Variants in CREBBP observed in about 807,000 individuals in gnomAD.
CREBBP encodes CREB binding lysine acetyltransferase.
In CREBBP, 19 loss-of-function variants were observed where a neutral mutation model predicts 265.0. The observed-to-expected ratio is 0.07, with a 90% CI of 0.05 to 0.11. CREBBP has a LOEUF of 0.11. Ranked by LOEUF, CREBBP falls within the 10% of genes least tolerant of loss-of-function variation. CREBBP has a pLI of 1.00. For missense variants in CREBBP, 2,525 were observed against 3,219.0 expected, an observed-to-expected ratio of 0.78 and a Z score of 5.22; for synonymous variants, 1,457 against 1,223.7, an observed-to-expected ratio of 1.19 and a Z score of -3.98.
chr16:3,783,879 G>A (rs1382855601), intron 5 of CREBBP, among the ~76,000 whole-genome samples: 1 of 152,144 alleles, frequency 6.6e-6, no homozygotes, highest in East Asian at 1.9e-4. Flanking sequence ...CTCCAAACTT[G>A]CATCAACTTG....
At chr16:3,735,562 C>CT (rs1341553667) in intron 28 of CREBBP, among the ~76,000 whole-genome samples, 7 of 152,014 alleles carry the variant, frequency 4.6e-5, no homozygotes, top group South Asian at 2.1e-4. Context: ...TCCCAAAGTG[C>CT]GGGGTTACAG....
At chr16:3,810,815 C>G in intron 2 of CREBBP, 36 bp from the exon 3 acceptor site, 2 of 1,606,964 alleles carry the variant, frequency 1.2e-6, no homozygotes, top group South Asian at 1.1e-5. Context: ...GCTGTGGTGA[C>G]GCAGTCAATA....
chr16:3,862,285 G>A lies in CREBBP; in HGVS notation c.86-11276C>T, dbSNP rs1342752081. Reference sequence around the variant, plus strand: ...AAGAGGCAGGGACAGAAGACAGCAAGACAGGCAGGCAGAGATGGCTGCTCT... The same window carrying A: ...AAGAGGCAGGGACAGAAGACAGCAAAACAGGCAGGCAGAGATGGCTGCTCT... On this transcript the variant is annotated intron_variant, in intron 1 of 30. Coordinates refer to ENST00000262367, the MANE Select transcript of CREBBP (RefSeq NM_004380.3). Among the ~76,000 whole-genome samples the A allele has an allele frequency of 2.0e-5, 3 of 152,164 alleles. No individual in the cohort carries two copies. The East Asian group carries it at 5.8e-4, about 29-fold the overall frequency.
intron 2 of CREBBP, among the ~76,000 whole-genome samples, chr16:3,843,757 A>C (rs1416405311): frequency 6.6e-6 from 1 of 152,172 alleles, no homozygotes; most frequent in Non-Finnish European, 1.5e-5. Context: ...CTAGGGAAAA[A>C]AAGGCTTCAG....
chr16:3,862,438 T>C (rs1173510146), intron 1 of CREBBP, among the ~76,000 whole-genome samples: 1 of 152,154 alleles, frequency 6.6e-6, no homozygotes. Flanking sequence ...TGGAGTGCAG[T>C]GACACAATCT....
At chr16:3,818,454 C>T (rs956252318) in intron 2 of CREBBP, among the ~76,000 whole-genome samples, 22 of 151,912 alleles carry the variant, frequency 1.4e-4, no homozygotes, top group African/African-American at 4.4e-4. Flanking sequence ...ACTACAGGCG[C>T]GTGCCACCAC....
At chr16:3,752,869 A>C (rs2052505452) in intron 19 of CREBBP, among the ~76,000 whole-genome samples, 1 of 152,234 alleles carries the variant, frequency 6.6e-6, no homozygotes, top group African/African-American at 2.4e-5. Flanking sequence ...CAAGCTATCA[A>C]ATACAAACAA....
At position 3,850,421 on chromosome 16, in the gene CREBBP, G is replaced by C. The variant is rs776306844; in HGVS notation, c.674C>G (p.Pro225Arg). 3.1e-6 allele frequency: 5 copies of C among 1,614,110 alleles called. No individual in the cohort carries two copies. The highest frequency in any genetic ancestry group is 1.6e-4 in the Middle Eastern group (1 of 6,084). The change falls in exon 2 of 31, where the codon CCG (proline) becomes CGG (arginine). Residue 225 changes from proline to arginine, a missense_variant. By Grantham distance (103) the Pro-to-Arg change is moderately radical. Coordinates refer to ENST00000262367, the MANE Select transcript of CREBBP (RefSeq NM_004380.3). The stretch of plus-strand genomic sequence containing the variant: ...GCCCTGCATGGCTGGAGTAGGGTAC[G>C]GCATTCCAGCTCCCCTTCCTCTGCC... ...AAGRGRGAGM[P>R]YPTPAMQGAS...
At chr16:3,837,666 G>C (rs1433288458) in intron 2 of CREBBP, among the ~76,000 whole-genome samples, 1 of 150,780 alleles carries the variant, frequency 6.6e-6, no homozygotes, top group African/African-American at 2.4e-5. Context: ...TTTTAAAATA[G>C]AAAAAGCTTA....
In CREBBP at chr16:3,726,912, G is replaced by A. The variant is rs767086157; in HGVS notation, c.*806C>T. The A allele has an allele frequency of 8.6e-6, 2 of 233,400 alleles. No homozygotes were observed. Among genetic ancestry groups the A allele is most frequent in the East Asian group, 6.0e-5 (1 of 16,554 alleles). 14.5% of individuals were successfully genotyped at this position (233,400 alleles called of 1,614,324 possible). A position where few individuals can be genotyped will look rare whatever the true frequency, so the allele number is the denominator to read the frequency against. On this transcript the variant is annotated 3_prime_UTR_variant, in exon 31 of 31. Transcript: ENST00000262367. Reference sequence around the variant, plus strand: ...CAGTGATTGAATCTTCTCGAGTTTCGTATTTATAGGAATTAGAGCGCTTGC... The same window carrying A: ...CAGTGATTGAATCTTCTCGAGTTTCATATTTATAGGAATTAGAGCGCTTGC...
intron 2 of CREBBP, among the ~76,000 whole-genome samples, chr16:3,817,488 TCCC>T (rs2054061521): frequency 1.0e-5 from 1 of 96,562 alleles, no homozygotes; most frequent in African/African-American, 2.9e-5. Context: ...CTCACCTAAC[TCCC>T]CCTTCTCTCA....
At chr16:3,876,000 T>C (rs1044765957) in intron 1 of CREBBP, among the ~76,000 whole-genome samples, 1 of 152,162 alleles carries the variant, frequency 6.6e-6, no homozygotes, top group Non-Finnish European at 1.5e-5. Flanking sequence ...CAGCACAGGA[T>C]GAAACACAGC....
At position 3,840,935 on chromosome 16, in the gene CREBBP, T is replaced by C. The variant is rs367847773; in HGVS notation, c.798+9362A>G. Reference sequence around the variant, plus strand: ...GTGGACATTTCAGATGCTGCTGCAGTTTCTGCATGTGTAACAGATGGGGTA... The same window carrying C: ...GTGGACATTTCAGATGCTGCTGCAGCTTCTGCATGTGTAACAGATGGGGTA... On this transcript the variant is annotated intron_variant, in intron 2 of 30. Coordinates refer to ENST00000262367, the MANE Select transcript of CREBBP (RefSeq NM_004380.3). 2.2e-4 allele frequency: 35 copies of C among 156,414 alleles called. No homozygotes were observed. The South Asian group carries it at 3.9e-3, about 17-fold the overall frequency. The allele number at this position is 156,414 out of a possible 1,614,324, so 9.7% of individuals were successfully genotyped here.
intron 2 of CREBBP, among the ~76,000 whole-genome samples, chr16:3,849,950 T>A (rs1324626218): frequency 6.6e-6 from 1 of 152,100 alleles, no homozygotes; most frequent in African/African-American, 2.4e-5. Flanking sequence ...CAACAGATAC[T>A]TCACTGGATG....
chr16:3,878,525 C>T (rs1284613292), intron 1 of CREBBP, among the ~76,000 whole-genome samples: 2 of 152,190 alleles, frequency 1.3e-5, no homozygotes, highest in African/African-American at 2.4e-5. Flanking sequence ...CTTATCATAA[C>T]TTGATTCCAG....
In CREBBP at chr16:3,728,302, G is replaced by A. The variant is rs779345611; in HGVS notation, c.6745C>T (p.Arg2249Cys). ...GYPPAMQQQQ[R>C]MQQHLPLQGS... Reference sequence around the variant, plus strand: ...TGGAGGGGGAGATGCTGCTGCATGCGCTGCTGCTGCTGCATGGCCGGTGGG... The same window carrying A: ...TGGAGGGGGAGATGCTGCTGCATGCACTGCTGCTGCTGCATGGCCGGTGGG... The change falls in exon 31 of 31, where the codon CGC (arginine) becomes TGC (cysteine). Residue 2249 changes from arginine (R) to cysteine (C), a missense_variant. Physicochemically the swap from Arg to Cys is radical, Grantham distance 180. Around this residue, in one of 19 missense-constraint regions of CREBBP, gnomAD observed 473 missense variants for 459.3 expected, o/e 1.03. Transcript: ENST00000262367. The surrounding 1 kb of genome is among the most constrained non-coding windows in gnomAD (Gnocchi z 8.7). The A allele has an allele frequency of 8.1e-6, 13 of 1,609,722 alleles. No homozygotes were observed. Among genetic ancestry groups the A allele is most frequent in the East Asian group, 4.5e-5 (2 of 44,802 alleles).
chr16:3,779,578 A>G (rs1264088173), intron 8 of CREBBP, among the ~76,000 whole-genome samples: 10 of 152,236 alleles, frequency 6.6e-5, no homozygotes, highest in Admixed American at 6.5e-4. Context: ...CTTGCCTCGC[A>G]TGTCAATACA....
At chr16:3,850,068 C>A (rs1210144983) in intron 2 of CREBBP, among the ~76,000 whole-genome samples, 1 of 152,168 alleles carries the variant, frequency 6.6e-6, no homozygotes, top group Non-Finnish European at 1.5e-5. Context: ...TACTTTCCAA[C>A]TGCCTGACCT....
chr16:3,767,704 T>C lies in CREBBP; in HGVS notation c.3250+16A>G, dbSNP rs369546521. ...AAAGCAGCATGCTTTAATAAGGTAA[T>C]GAATAAATGGCCTACTTTTTTTGCG... On this transcript the variant is annotated intron_variant, in intron 16 of 30. Transcript: ENST00000262367. The C allele has an allele frequency of 1.2e-6, 2 of 1,614,262 alleles. No individual in the cohort carries two copies. The highest frequency in any genetic ancestry group is 4.5e-5 in the East Asian group (2 of 44,892).
Sources: allele counts gnomAD v4.1 joint callset (sites outside exome capture counted in the v4.1 genomes callset), GRCh38; gene constraint gnomAD v4.1.1; regional missense constraint gnomAD v4.1.1; non-coding constraint Gnocchi (gnomAD v3.1); transcripts MANE v1.5; gene names NCBI Gene and HGNC (gene_info 2026-07-23, HGNC 2026-07-21).